Variants in FAM89A observed in about 807,000 individuals in gnomAD.
FAM89A encodes family with sequence similarity 89 member A, also known as protein FAM89A.
In FAM89A, 10 loss-of-function variants were observed where a neutral mutation model predicts 7.1. The observed-to-expected ratio is 1.40, with a 90% CI of 0.86 to 2.38. The LOEUF is 2.38. FAM89A is among the 30% of genes most tolerant of loss of function. The pLI is 0.00. For missense variants in FAM89A, 276 were observed against 262.8 expected (o/e 1.05, Z -0.35); for synonymous variants, 157 against 129.3 (o/e 1.21, Z -1.45).
chr1:231,021,520 C>G, intron 1 of FAM89A: 1 of 715,274 alleles, frequency 1.4e-6, no homozygotes, highest in Non-Finnish European at 2.4e-6. Flanking sequence ...AACCAGAGGG[C>G]ACGAAAGGTT....
intron 1 of FAM89A, among the ~76,000 whole-genome samples, chr1:231,024,520 GCACACACACACACACA>G (rs3220109): frequency 6.9e-5 from 10 of 144,438 alleles, no homozygotes; most frequent in African/African-American, 1.8e-4. Context: ...TACATTGCAT[GCACACACACACACACA>G]CACACACACA....
chr1:231,024,383 A>C (rs1679927296), intron 1 of FAM89A, among the ~76,000 whole-genome samples: 1 of 152,158 alleles, frequency 6.6e-6, no homozygotes, highest in African/African-American at 2.4e-5. Flanking sequence ...TCATCTTGTA[A>C]ATAGATTGGG....
At chr1:231,023,453 C>T (rs1414377213) in intron 1 of FAM89A, among the ~76,000 whole-genome samples, 3 of 152,176 alleles carry the variant, frequency 2.0e-5, no homozygotes, top group African/African-American at 7.2e-5. Flanking sequence ...CCTCCTCTTC[C>T]GCTGCCCTCC....
chr1:231,024,602 T>A (rs193017007), intron 1 of FAM89A, among the ~76,000 whole-genome samples: 19 of 151,398 alleles, frequency 1.3e-4, no homozygotes, highest in African/African-American at 4.6e-4. Flanking sequence ...GGTGGTATGA[T>A]CATAGCTCAC....
Position 231,019,934 on chromosome 1 carries a change from C to G in FAM89A, c.484G>C (p.Gly162Arg). ...QNSLHDRRDRGPPRDLSLPVS... is the reference protein window; with the variant it reads ...QNSLHDRRDRRPPRDLSLPVS... ...GGCAGTGACAAGTCCCGAGGAGGGC[C>G]TCGGTCCCTCCTGTCGTGCAGGGAG... The change falls in exon 2 of 2, where the codon GGC (glycine) becomes CGC (arginine). Residue 162 changes from glycine (G) to arginine (R), a missense_variant. Transcript: ENST00000366654. 6.2e-7 allele frequency: 1 copy of G among 1,614,196 alleles called. No homozygotes were observed. Among genetic ancestry groups the G allele is most frequent in the Non-Finnish European group, 8.5e-7 (1 of 1,180,040 alleles).
chr1:231,034,887 C>A (rs1680135521), intron 1 of FAM89A, among the ~76,000 whole-genome samples: 2 of 151,854 alleles, frequency 1.3e-5, no homozygotes, highest in South Asian at 4.1e-4. Flanking sequence ...GATTCTGGAG[C>A]TGGCGGTCCA....
chr1:231,032,309 T>C (rs1432699574), intron 1 of FAM89A, among the ~76,000 whole-genome samples: 2 of 151,798 alleles, frequency 1.3e-5, no homozygotes, highest in African/African-American at 4.8e-5. Context: ...ACATATTCAA[T>C]TTCAGAGGTA....
At position 231,040,229 on chromosome 1, in the gene FAM89A, A is replaced by G. The variant is rs1680241526; in HGVS notation, c.-18T>C. On this transcript the variant is annotated 5_prime_UTR_variant, in exon 1 of 2. Transcript: ENST00000366654. Reference sequence around the variant, plus strand: ...CCACTCATCGCGCCGCGGCCCGGCCACGCGCCTGCCCCGCTGCAGCGAACC... The same window carrying G: ...CCACTCATCGCGCCGCGGCCCGGCCGCGCGCCTGCCCCGCTGCAGCGAACC... 1.9e-6 allele frequency: 2 copies of G among 1,036,164 alleles called. No homozygotes were observed. The highest frequency in any genetic ancestry group is 1.7e-5 in the African/African-American group (1 of 57,354). 64.2% of individuals were successfully genotyped at this position (1,036,164 alleles called of 1,614,324 possible). A position where few individuals can be genotyped will look rare whatever the true frequency, so the allele number is the denominator to read the frequency against.
intron 1 of FAM89A, among the ~76,000 whole-genome samples, chr1:231,029,226 G>A (rs77701050): frequency 0.019 from 2,899 of 152,280 alleles, 45 homozygotes; most frequent in Middle Eastern, 0.075. Context: ...ACAGGCTCAC[G>A]CCTGTAATCC....
chr1:231,037,063 T>C (rs550960639), intron 1 of FAM89A, among the ~76,000 whole-genome samples: 4 of 152,300 alleles, frequency 2.6e-5, no homozygotes, highest in African/African-American at 7.2e-5. Context: ...ATGTGTTGTA[T>C]ATATGTATGT....
chr1:231,029,744 TAAC>T (rs759248037), intron 1 of FAM89A, among the ~76,000 whole-genome samples: 5 of 152,228 alleles, frequency 3.3e-5, no homozygotes, highest in Non-Finnish European at 5.9e-5. Context: ...GAAAATGTAT[TAAC>T]AATGAGAAAA....
intron 1 of FAM89A, chr1:231,028,466 G>GA (rs1680009764): frequency 6.6e-6 from 1 of 152,212 alleles, no homozygotes; most frequent in African/African-American, 2.4e-5. Flanking sequence ...CACCCTTCCA[G>GA]AAAAAGAGTG....
At position 231,019,937 on chromosome 1, in the gene FAM89A, G is replaced by C. The variant is rs138650916; in HGVS notation, c.481C>G (p.Arg161Gly). 6.2e-7 allele frequency: 1 copy of C among 1,614,068 alleles called. No homozygotes were observed. The highest frequency in any genetic ancestry group is 8.5e-7 in the Non-Finnish European group (1 of 1,179,964). The change falls in exon 2 of 2, where the codon CGA becomes GGA. Residue 161 changes from arginine to glycine, a missense_variant. Transcript: ENST00000366654. The stretch of plus-strand genomic sequence containing the variant: ...AGTGACAAGTCCCGAGGAGGGCCTC[G>C]GTCCCTCCTGTCGTGCAGGGAGTTC... ...EQNSLHDRRD[R>G]GPPRDLSLPV...
rs142779771 is a variant in FAM89A at position 231,030,765 on chromosome 1, T to C, written c.291+9156A>G. On this transcript the variant is annotated intron_variant, in intron 1 of 1. Coordinates refer to ENST00000366654, the MANE Select transcript of FAM89A (RefSeq NM_198552.3). ...AGGTCCCAAAGAGCTTTGGTTTATG[T>C]GGGTTATACCTATCAATATTTACAT... Among the ~76,000 whole-genome samples, 244 of 152,298 alleles carry C rather than the reference T, an allele frequency of 1.6e-3. 3 individuals are homozygous for C. Among genetic ancestry groups the C allele is most frequent in the African/African-American group, 5.6e-3 (233 of 41,554 alleles).
intron 1 of FAM89A, among the ~76,000 whole-genome samples, chr1:231,024,476 T>G (rs559284602): frequency 1.8e-4 from 27 of 150,550 alleles, no homozygotes; most frequent in African/African-American, 6.6e-4. Context: ...TACTATGGCC[T>G]GAATAGACCA....
rs980273921 is a variant in FAM89A, at chr1:231,039,986, C to G, written c.226G>C (p.Ala76Pro). ...RGGPGGGGAR[A>P]AALPAKPPNL... ...GGAGGCTTGGCGGGCAGCGCTGCCG[C>G]CCGGGCCCCGCCGCCGCCCGGGCCC... is the stretch of plus-strand genomic sequence containing the variant. Residue 76 changes from alanine to proline, a missense_variant, in exon 1 of 2, where the codon GCG becomes CCG. Ala to Pro is a conservative substitution (Grantham distance 27). Transcript: ENST00000366654. 10 of 1,381,370 alleles carry G rather than the reference C, an allele frequency of 7.2e-6. No homozygotes were observed. Among genetic ancestry groups the G allele is most frequent in the African/African-American group, 1.5e-5 (1 of 65,718 alleles). 85.6% of individuals were successfully genotyped at this position (1,381,370 alleles called of 1,614,324 possible).
rs746387955 is a variant in FAM89A, at chr1:231,020,067, C to A, written c.351G>T (p.Ser117=). The change falls in exon 2 of 2, where the codon TCG becomes TCT. Residue 117 remains serine (S), a synonymous_variant. Coordinates refer to ENST00000366654, the MANE Select transcript of FAM89A (RefSeq NM_198552.3). Reference sequence around the variant, plus strand: ...GGCATGCCCCCTTGTACTCCTGAATCGACTCGTAGAGGCTGTACAGTTGGC... The same window carrying A: ...GGCATGCCCCCTTGTACTCCTGAATAGACTCGTAGAGGCTGTACAGTTGGC... ...LLCQLYSLYE[S]IQEYKGACQA... 6.2e-7 allele frequency: 1 copy of A among 1,614,042 alleles called. No individual in the cohort carries two copies. Among genetic ancestry groups the A allele is most frequent in the South Asian group, 1.1e-5 (1 of 91,082 alleles).
intron 1 of FAM89A, among the ~76,000 whole-genome samples, chr1:231,032,521 C>T (rs1050351155): frequency 7.9e-5 from 12 of 151,634 alleles, no homozygotes; most frequent in Admixed American, 1.3e-4. Context: ...TGTATACATC[C>T]GTGGTTATAA....
chr1:231,037,683 G>A (rs2103077847), intron 1 of FAM89A, among the ~76,000 whole-genome samples: 1 of 152,202 alleles, frequency 6.6e-6, no homozygotes, highest in Non-Finnish European at 1.5e-5. Context: ...AGTCCACTCG[G>A]TCCACCTGCC....
Sources: allele counts gnomAD v4.1 joint callset (sites outside exome capture counted in the v4.1 genomes callset), GRCh38; gene constraint gnomAD v4.1.1; transcripts MANE v1.5; gene names NCBI Gene and HGNC (gene_info 2026-07-23, HGNC 2026-07-21).